SLC35B3: variants seen among roughly 807,000 people sequenced by gnomAD.
SLC35B3 encodes solute carrier family 35 member B3, also known as adenosine 3'-phospho 5'-phosphosulfate transporter 2.
A neutral mutation model predicts 44.1 loss-of-function variants in SLC35B3; 35 were observed. The observed-to-expected ratio is 0.79, with a 90% CI of 0.61 to 1.05. The LOEUF is 1.05. Among genes scored for constraint, SLC35B3 ranks in the 50% least tolerant of loss-of-function variants. The pLI is 0.00. For synonymous variants in SLC35B3, 146 were observed against 167.3 expected (o/e 0.87, Z 0.98); for missense variants, 414 against 476.4 (o/e 0.87, Z 1.22).
rs143539087 is a variant in SLC35B3, at chr6:8,420,827, T to C, written c.576A>G (p.Gly192=). 1 of 1,606,448 alleles carries C rather than the reference T, an allele frequency of 6.2e-7. No individual in the cohort carries two copies. The highest frequency in any genetic ancestry group is 8.5e-7 in the Non-Finnish European group (1 of 1,175,516). Residue 192 remains glycine (G), a splice_region_variant and synonymous_variant, in exon 6 of 11, where the codon GGA becomes GGG. Transcript: ENST00000644923. This position sits in a 1 kb window ranked among gnomAD's most constrained non-coding sequence, Gnocchi z 4.4. ...ACACATCTGCAACATTATAACGCTT[T>C]CCTGTATAAAACAAACGTAAGTCCA...
At chr6:8,426,192 A>C (rs766946272) in intron 4 of SLC35B3, among the ~76,000 whole-genome samples, 5 of 152,208 alleles carry the variant, frequency 3.3e-5, no homozygotes, top group Non-Finnish European at 5.9e-5. Context: ...AGAGTGTTTC[A>C]AATTTCGATT....
Position 8,434,490 on chromosome 6 carries a change from C to G in SLC35B3, c.-43-60G>C. 7.1e-7 allele frequency: 1 copy of G among 1,405,464 alleles called. No individual in the cohort carries two copies. The highest frequency in any genetic ancestry group is 9.9e-7 in the Non-Finnish European group (1 of 1,015,012). 87.1% of individuals were successfully genotyped at this position (1,405,464 alleles called of 1,614,324 possible). ...GTTCCATCTCATTTCTTTGTACACA[C>G]ATCATTACACAAAGGTGGAGAAACC... On this transcript the variant is annotated intron_variant, in intron 1 of 10. Coordinates refer to ENST00000644923, the MANE Select transcript of SLC35B3 (RefSeq NM_001370476.2). This position sits in a 1 kb window ranked among gnomAD's most constrained non-coding sequence, Gnocchi z 6.3.
Position 8,435,023 on chromosome 6 carries a change from C to T in SLC35B3, c.-44+320G>A. ...AGTCTAGAGGTATCCAGGTGACTGA[C>T]AGTTCTCCAGAGACCCCGAGAACAG... On this transcript the variant is annotated intron_variant, in intron 1 of 10. Coordinates refer to ENST00000644923, the MANE Select transcript of SLC35B3 (RefSeq NM_001370476.2). This position sits in a 1 kb window ranked among gnomAD's most constrained non-coding sequence, Gnocchi z 5.5. 9.1e-7 allele frequency: 1 copy of T among 1,101,208 alleles called. No individual in the cohort carries two copies. The highest frequency in any genetic ancestry group is 1.6e-5 in the South Asian group (1 of 62,832). 68.2% of individuals were successfully genotyped at this position (1,101,208 alleles called of 1,614,324 possible). A position where few individuals can be genotyped will look rare whatever the true frequency, so the allele number is the denominator to read the frequency against.
In SLC35B3 at chr6:8,411,872, T is replaced by A. The variant is rs1581600865; in HGVS notation, c.*1677A>T. Among the ~76,000 whole-genome samples the A allele has an allele frequency of 6.6e-6, 1 of 152,174 alleles. No individual in the cohort carries two copies. Among genetic ancestry groups the A allele is most frequent in the African/African-American group, 2.4e-5 (1 of 41,442 alleles). ...TGAAAACGAAGAATAACAGTATTTTTAAAAAATACAATAGAAGCAATTCTA... is the reference window on the plus strand; with the variant it reads ...TGAAAACGAAGAATAACAGTATTTTAAAAAAATACAATAGAAGCAATTCTA... On this transcript the variant is annotated 3_prime_UTR_variant, in exon 11 of 11. Transcript: ENST00000644923.
chr6:8,420,376 C>T lies in SLC35B3; in HGVS notation c.682+345G>A, dbSNP rs922252927. ...TTGTCAATCAAGTTGTGTCAGTTAA[C>T]TCAGTTTTCACAAAAACAATTATTT... On this transcript the variant is annotated intron_variant, in intron 6 of 10. Transcript: ENST00000644923. This position sits in a 1 kb window ranked among gnomAD's most constrained non-coding sequence, Gnocchi z 4.4. 2.9e-4 allele frequency among the ~76,000 whole-genome samples: 44 copies of T among 152,134 alleles called. No homozygotes were observed. Among genetic ancestry groups the T allele is most frequent in the African/African-American group, 1.1e-3 (44 of 41,434 alleles).
At position 8,432,008 on chromosome 6, in the gene SLC35B3, A is replaced by G. The variant is rs950872453; in HGVS notation, c.4-1851T>C. Among the ~76,000 whole-genome samples, 4 of 152,140 alleles carry G rather than the reference A, an allele frequency of 2.6e-5. No homozygotes were observed. Among genetic ancestry groups the G allele is most frequent in the African/African-American group, 9.7e-5 (4 of 41,436 alleles). On this transcript the variant is annotated intron_variant, in intron 2 of 10. Transcript: ENST00000644923. The surrounding 1 kb of genome is among the most constrained non-coding windows in gnomAD (Gnocchi z 4.8). ...TTCTCAAGGTCAGGTTTGGAAGTTC[A>G]GCTTTAATATCCCCTCCTTTGTGAC...
In SLC35B3 at chr6:8,434,851, G is replaced by A. The variant is rs1391512979; in HGVS notation, c.-43-421C>T. On this transcript the variant is annotated intron_variant, in intron 1 of 10. Transcript: ENST00000644923. This position sits in a 1 kb window ranked among gnomAD's most constrained non-coding sequence, Gnocchi z 6.3. ...CAGTTGCAAAGACTGGAGGAAACTT[G>A]CAGAACTTCTAGTGGAAGTTTATGC... Among the ~76,000 whole-genome samples the A allele has an allele frequency of 1.3e-5, 2 of 152,162 alleles. No individual in the cohort carries two copies. The highest frequency in any genetic ancestry group is 2.4e-5 in the African/African-American group (1 of 41,430).
chr6:8,422,192 A>G (rs1238500639), intron 5 of SLC35B3, among the ~76,000 whole-genome samples: 1 of 152,138 alleles, frequency 6.6e-6, no homozygotes, highest in Non-Finnish European at 1.5e-5. Context: ...TTTAGTAGAG[A>G]CAGGGTTTCA....
intron 4 of SLC35B3, among the ~76,000 whole-genome samples, chr6:8,424,096 T>A (rs972257354): frequency 3.3e-5 from 5 of 152,222 alleles, no homozygotes; most frequent in African/African-American, 1.2e-4. Context: ...AATCCAAAAG[T>A]AGCTCCAAAA....
rs935681329 is a variant in SLC35B3, at chr6:8,412,159, G to T, written c.*1390C>A. On this transcript the variant is annotated 3_prime_UTR_variant, in exon 11 of 11. Coordinates refer to ENST00000644923, the MANE Select transcript of SLC35B3 (RefSeq NM_001370476.2). ...AGGACATAATGAGAAGGCTCCTTCT[G>T]TGAACCAGAAAGCAGGCTCTCACCA... Among the ~76,000 whole-genome samples, 1 of 152,170 alleles carries T rather than the reference G, an allele frequency of 6.6e-6. No individual in the cohort carries two copies. Among genetic ancestry groups the T allele is most frequent in the Non-Finnish European group, 1.5e-5 (1 of 68,038 alleles).
At chr6:8,425,819 G>C (rs1053924285) in intron 4 of SLC35B3, among the ~76,000 whole-genome samples, 1 of 152,200 alleles carries the variant, frequency 6.6e-6, no homozygotes, top group Non-Finnish European at 1.5e-5. Flanking sequence ...GGGTACGACA[G>C]AAGGAGCACG....
Position 8,428,001 on chromosome 6 carries a change from G to A in SLC35B3, c.355C>T (p.Gln119Ter), listed in dbSNP as rs1286903715. 1.6e-5 allele frequency: 26 copies of A among 1,611,378 alleles called. No individual in the cohort carries two copies. Among genetic ancestry groups the A allele is most frequent in the Non-Finnish European group, 2.2e-5 (26 of 1,178,438 alleles). Reference sequence around the variant, plus strand: ...CCAAATATGGAGTAAAAGGCAAACTGCACTAAGGTAAGGTACCAGCCACAG... The same window carrying A: ...CCAAATATGGAGTAAAAGGCAAACTACACTAAGGTAAGGTACCAGCCACAG... The change falls in exon 4 of 11, where the codon CAG becomes TAG. Residue 119 changes from glutamine to a stop codon, truncating the protein, a stop_gained. Coordinates refer to ENST00000644923, the MANE Select transcript of SLC35B3 (RefSeq NM_001370476.2). LOFTEE classifies it high-confidence loss of function.
chr6:8,430,705 C>T (rs1763889809), intron 2 of SLC35B3, among the ~76,000 whole-genome samples: 1 of 150,578 alleles, frequency 6.6e-6, no homozygotes, highest in South Asian at 2.1e-4. Context: ...CATAGCAAGA[C>T]CCTCTCTCTA....
At chr6:8,422,765 CTATT>C (rs1261542958) in intron 4 of SLC35B3, 141 bp from the exon 4 acceptor site, 2 of 661,894 alleles carry the variant, frequency 3.0e-6, no homozygotes, top group Non-Finnish European at 4.9e-6. Context: ...AAAAATATCA[CTATT>C]TAAAAACTGT....
chr6:8,429,797 G>A, intron 3 of SLC35B3, 67 bp downstream of exon 2: 1 of 1,197,548 alleles, frequency 8.4e-7, no homozygotes, highest in Non-Finnish European at 1.2e-6. Context: ...GGCAAAACTA[G>A]TAAATGCCCA....
Position 8,432,095 on chromosome 6 carries a change from T to C in SLC35B3, c.4-1938A>G, listed in dbSNP as rs1422410627. On this transcript the variant is annotated intron_variant, in intron 2 of 10. Transcript: ENST00000644923. The surrounding 1 kb of genome is among the most constrained non-coding windows in gnomAD (Gnocchi z 4.8). ...CTTGAAAGGCAAGATTCAAATCTTA[T>C]TTGTCTCTGTGTCCTTGGTACCTGG... Among the ~76,000 whole-genome samples the C allele has an allele frequency of 1.3e-5, 2 of 152,170 alleles. No homozygotes were observed. Among genetic ancestry groups the C allele is most frequent in the African/African-American group, 4.8e-5 (2 of 41,450 alleles).
chr6:8,415,053 AT>A (rs1762295008), intron 9 of SLC35B3, 76 bp from the exon 9 acceptor site: 3 of 972,462 alleles, frequency 3.1e-6, no homozygotes, highest in Non-Finnish European at 4.8e-6. Flanking sequence ...TTCAGCAAAT[AT>A]TTAGACCTGA....
Position 8,434,550 on chromosome 6 carries a change from TC to T in SLC35B3, c.-43-121del, listed in dbSNP as rs1173944422. ...TGTTTGAAGACTATTCTTTTTTTTT[TC>T]CAAGAGAAAAAGTTAACACTAGGAC... On this transcript the variant is annotated intron_variant, in intron 1 of 10. Coordinates refer to ENST00000644923, the MANE Select transcript of SLC35B3 (RefSeq NM_001370476.2). The surrounding 1 kb of genome is among the most constrained non-coding windows in gnomAD (Gnocchi z 6.3). 26 of 716,194 alleles carry T rather than the reference TC, an allele frequency of 3.6e-5. No homozygotes were observed. The highest frequency in any genetic ancestry group is 5.5e-4 in the Middle Eastern group (2 of 3,660). 44.4% of individuals were successfully genotyped at this position (716,194 alleles called of 1,614,324 possible).
chr6:8,431,403 G>A (rs571476090), intron 2 of SLC35B3, among the ~76,000 whole-genome samples: 1 of 152,050 alleles, frequency 6.6e-6, no homozygotes, highest in African/African-American at 2.4e-5. Context: ...AATTAGAGTC[G>A]CCTCTTCATG....
Sources: gnomAD v4.1 joint callset for allele counts (sites outside exome capture counted in the v4.1 genomes callset) on GRCh38, gnomAD v4.1.1 for gene constraint, Gnocchi (gnomAD v3.1) non-coding constraint, MANE v1.5 for transcripts, NCBI Gene and HGNC (gene_info 2026-07-23, HGNC 2026-07-21) for gene names.